Variants in ZSWIM9 observed in about 807,000 individuals in gnomAD.
The protein encoded by ZSWIM9 is uncharacterized protein ZSWIM9.
ZSWIM9 carries 11 observed loss-of-function variants against 25.0 expected under a neutral mutation model. The ratio of observed to expected loss-of-function variants is 0.44; its 90% confidence interval spans 0.28 to 0.73. The LOEUF (loss-of-function observed/expected upper bound fraction) is 0.73. Ranked by LOEUF, ZSWIM9 falls within the 30% of genes least tolerant of loss-of-function variation. ZSWIM9 has a pLI of 0.16. For missense variants in ZSWIM9, 1,070 were observed against 1,296.5 expected (o/e 0.83, Z 2.68); for synonymous variants, 562 against 582.1 (o/e 0.97, Z 0.50).
chr19:48,192,236 C>T (rs1044943500), intron 3 of ZSWIM9, among the ~76,000 whole-genome samples: 1 of 150,990 alleles, frequency 6.6e-6, no homozygotes, highest in East Asian at 1.9e-4. Flanking sequence ...AAATATCTGG[C>T]AGAAAAATGT....
Position 48,196,953 on chromosome 19 carries a change from G to C in ZSWIM9, c.*126G>C, listed in dbSNP as rs1329221661. The stretch of plus-strand genomic sequence containing the variant: ...CCCTGGCCACCTTCTGGGTCATCCA[G>C]GGACCTCCTCATGGCAGTTTGCCTC... On this transcript the variant is annotated 3_prime_UTR_variant, in exon 4 of 4. Transcript: ENST00000614654. The C allele has an allele frequency of 3.4e-5, 34 of 1,009,322 alleles. No homozygotes were observed. Among genetic ancestry groups the C allele is most frequent in the Non-Finnish European group, 4.2e-5 (32 of 764,206 alleles). The allele number at this position is 1,009,322 out of a possible 1,614,324, so 62.5% of individuals were successfully genotyped here. A position where few individuals can be genotyped will look rare whatever the true frequency, so the allele number is the denominator to read the frequency against.
At chr19:48,178,041 G>A (rs1055982466) in intron 2 of ZSWIM9, among the ~76,000 whole-genome samples, 2 of 152,172 alleles carry the variant, frequency 1.3e-5, no homozygotes, top group African/African-American at 4.8e-5. Flanking sequence ...GGGATTACAG[G>A]TGCCCGCCAC....
chr19:48,181,417 G>A (rs1246265817), intron 2 of ZSWIM9: 4 of 152,212 alleles, frequency 2.6e-5, no homozygotes, highest in African/African-American at 2.4e-5. Context: ...ATTCATCCGT[G>A]TTGTTGGAGG....
chr19:48,196,802 G>T lies in ZSWIM9; in HGVS notation c.2738G>T (p.Cys913Phe). ...ALFHMDLLRD[C>F]WGRAPEP ...TTCCACATGGACCTGCTCAGGGATT[G>T]CTGGGGGAGAGCCCCAGAGCCCTGA... Residue 913 changes from cysteine (C) to phenylalanine (F), a missense_variant, in exon 4 of 4, where the codon TGC becomes TTC. Physicochemically the swap from Cys to Phe is radical, Grantham distance 205 (BLOSUM62 -2). This residue lies in a region of ZSWIM9 where 583 missense variants were observed against 624.7 expected (regional missense o/e 0.93). Transcript: ENST00000614654. The T allele has an allele frequency of 8.1e-7, 1 of 1,236,402 alleles. No homozygotes were observed. Among genetic ancestry groups the T allele is most frequent in the Non-Finnish European group, 1.0e-6 (1 of 990,688 alleles). 76.6% of individuals were successfully genotyped at this position (1,236,402 alleles called of 1,614,324 possible). A position where few individuals can be genotyped will look rare whatever the true frequency, so the allele number is the denominator to read the frequency against.
chr19:48,188,254 G>A (rs565293481), intron 3 of ZSWIM9, among the ~76,000 whole-genome samples: 1 of 150,544 alleles, frequency 6.6e-6, no homozygotes, highest in African/African-American at 2.4e-5. Context: ...ATGGAGTCTC[G>A]CTCTGTCTCC....
intron 3 of ZSWIM9, among the ~76,000 whole-genome samples, chr19:48,192,207 C>T (rs774786053): frequency 4.0e-5 from 6 of 151,612 alleles, no homozygotes; most frequent in Non-Finnish European, 7.4e-5. Context: ...CAGCACATGG[C>T]ACATCATATT....
intron 2 of ZSWIM9, among the ~76,000 whole-genome samples, chr19:48,179,469 C>T (rs1457090975): frequency 4.6e-5 from 7 of 152,132 alleles, no homozygotes; most frequent in South Asian, 2.1e-4. Flanking sequence ...CCACTGCACC[C>T]GGCCCTATTT....
rs1318154698 is a variant in ZSWIM9, at chr19:48,196,214, T to C, written c.2150T>C (p.Leu717Pro). The C allele has an allele frequency of 8.1e-7, 1 of 1,233,232 alleles. No individual in the cohort carries two copies. Among genetic ancestry groups the C allele is most frequent in the African/African-American group, 1.6e-5 (1 of 64,172 alleles). The allele number at this position is 1,233,232 out of a possible 1,614,324, so 76.4% of individuals were successfully genotyped here. The part of the protein sequence containing the change: ...KRRRGLEDIV[L>P]VQLGDTRVTG... ...AGAAGGGGCCTGGAGGATATAGTTC[T>C]GGTCCAGCTGGGAGACACGAGGGTC... The change falls in exon 4 of 4, where the codon CTG becomes CCG. Residue 717 changes from leucine (L) to proline (P), a missense_variant. Coordinates refer to ENST00000614654, the MANE Select transcript of ZSWIM9 (RefSeq NM_199341.4).
chr19:48,182,372 T>G lies in ZSWIM9; in HGVS notation c.276-83T>G. Reference sequence around the variant, plus strand: ...CTCTATGCCTGAAACAATTCTTAGTTTAAAAAAAAAAAAAAGGTGAGTGGA... The same window carrying G: ...CTCTATGCCTGAAACAATTCTTAGTGTAAAAAAAAAAAAAAGGTGAGTGGA... On this transcript the variant is annotated intron_variant, in intron 2 of 3. Transcript: ENST00000614654. This position sits in a 1 kb window ranked among gnomAD's most constrained non-coding sequence, Gnocchi z 4.6. 9.7e-7 allele frequency: 1 copy of G among 1,028,340 alleles called. No individual in the cohort carries two copies. The highest frequency in any genetic ancestry group is 1.3e-6 in the Non-Finnish European group (1 of 754,988). 63.7% of individuals were successfully genotyped at this position (1,028,340 alleles called of 1,614,324 possible).
At position 48,194,749 on chromosome 19, in the gene ZSWIM9, C is replaced by T. The variant is rs2037136415; in HGVS notation, c.685C>T (p.Leu229=). The T allele has an allele frequency of 1.3e-6, 2 of 1,533,744 alleles. No homozygotes were observed. Among genetic ancestry groups the T allele is most frequent in the Non-Finnish European group, 8.7e-7 (1 of 1,145,784 alleles). The change falls in exon 4 of 4, where the codon CTG becomes TTG. Residue 229 remains leucine, a synonymous_variant. Coordinates refer to ENST00000614654, the MANE Select transcript of ZSWIM9 (RefSeq NM_199341.4). This position sits in a 1 kb window ranked among gnomAD's most constrained non-coding sequence, Gnocchi z 6.0. The part of the protein sequence containing the change: ...RALLRRFPRM[L]LVDRLPGLQG... The stretch of plus-strand genomic sequence containing the variant: ...GCTGCTGCGGCGCTTCCCTCGCATG[C>T]TGCTGGTGGACCGGCTGCCGGGGCT...
chr19:48,195,921 C>A lies in ZSWIM9; in HGVS notation c.1857C>A (p.Val619=). Residue 619 remains valine, a synonymous_variant, in exon 4 of 4, where the codon GTC becomes GTA. Transcript: ENST00000614654. This position sits in a 1 kb window ranked among gnomAD's most constrained non-coding sequence, Gnocchi z 5.8. ...GGACCCAGTTTGACTATGAGAGGGT[C>A]AGGAGTCTTGAAGGAAGCCCCTGGA... ...LRGTQFDYER[V]RSLEGSPWRG... 2 of 1,361,910 alleles carry A rather than the reference C, an allele frequency of 1.5e-6. No individual in the cohort carries two copies. Among genetic ancestry groups the A allele is most frequent in the Non-Finnish European group, 1.9e-6 (2 of 1,062,324 alleles). 84.4% of individuals were successfully genotyped at this position (1,361,910 alleles called of 1,614,324 possible).
In ZSWIM9 at chr19:48,176,099, G is replaced by A. The variant is rs538499018; in HGVS notation, c.275+4022G>A. ...CAGGTGCCTGTAATCCCAGCTACTC[G>A]GGAAGCTGAGGCAGGAGAATCACTT... On this transcript the variant is annotated intron_variant, in intron 2 of 3. Coordinates refer to ENST00000614654, the MANE Select transcript of ZSWIM9 (RefSeq NM_199341.4). Among the ~76,000 whole-genome samples, 167 of 152,134 alleles carry A rather than the reference G, an allele frequency of 1.1e-3. 1 individual carries two copies. Among genetic ancestry groups the A allele is most frequent in the Admixed American group, 4.8e-3 (73 of 15,262 alleles).
rs2037131427 is a variant in ZSWIM9, at chr19:48,194,316, C to T, written c.589-337C>T. 6.6e-6 allele frequency among the ~76,000 whole-genome samples: 1 copy of T among 152,068 alleles called. No homozygotes were observed. Among genetic ancestry groups the T allele is most frequent in the African/African-American group, 2.4e-5 (1 of 41,404 alleles). ...GGTCCAGGGCCCACATTTTGAGACCCACTGCCCTAGACTGCCTCTCAGCAC... is the reference window on the plus strand; with the variant it reads ...GGTCCAGGGCCCACATTTTGAGACCTACTGCCCTAGACTGCCTCTCAGCAC... On this transcript the variant is annotated intron_variant, in intron 3 of 3. Transcript: ENST00000614654. This position sits in a 1 kb window ranked among gnomAD's most constrained non-coding sequence, Gnocchi z 6.0.
chr19:48,195,060 G>T lies in ZSWIM9; in HGVS notation c.996G>T (p.Leu332=). Residue 332 remains leucine, a synonymous_variant, in exon 4 of 4, where the codon CTG becomes CTT. Coordinates refer to ENST00000614654, the MANE Select transcript of ZSWIM9 (RefSeq NM_199341.4). The surrounding 1 kb of genome is among the most constrained non-coding windows in gnomAD (Gnocchi z 5.8). ...LETLFSKAQE[L]GGAGREDPGL... ...CGCTCTTCAGCAAGGCGCAGGAGCT[G>T]GGCGGCGCCGGCCGCGAGGACCCGG... 7.3e-7 allele frequency: 1 copy of T among 1,373,240 alleles called. No individual in the cohort carries two copies. Among genetic ancestry groups the T allele is most frequent in the South Asian group, 1.5e-5 (1 of 66,382 alleles). 85.1% of individuals were successfully genotyped at this position (1,373,240 alleles called of 1,614,324 possible).
intron 3 of ZSWIM9, among the ~76,000 whole-genome samples, chr19:48,191,191 T>TTTG (rs765221765): frequency 4.0e-5 from 6 of 151,194 alleles, no homozygotes; most frequent in African/African-American, 1.2e-4. Flanking sequence ...TAGCTATTAT[T>TTTG]TTGTTGTTGT....
intron 2 of ZSWIM9, among the ~76,000 whole-genome samples, chr19:48,175,874 G>A (rs975891281): frequency 3.3e-5 from 5 of 152,164 alleles, no homozygotes; most frequent in Admixed American, 1.3e-4. Flanking sequence ...CACACCGGCC[G>A]TTGAAAACAT....
At chr19:48,175,935 G>C (rs2036888275) in intron 2 of ZSWIM9, among the ~76,000 whole-genome samples, 1 of 152,248 alleles carries the variant, frequency 6.6e-6, no homozygotes, top group Non-Finnish European at 1.5e-5. Flanking sequence ...GTCGGGTGCG[G>C]TGGCTCTCGC....
chr19:48,197,220 C>G lies in ZSWIM9; in HGVS notation c.*393C>G, dbSNP rs146323828. On this transcript the variant is annotated 3_prime_UTR_variant, in exon 4 of 4. Coordinates refer to ENST00000614654, the MANE Select transcript of ZSWIM9 (RefSeq NM_199341.4). The stretch of plus-strand genomic sequence containing the variant: ...AGACTGGCCAGTCTAGGGAGTGCAG[C>G]GGGGAGAGGGGAAAGGGAGAAAGTA... 9 of 694,264 alleles carry G rather than the reference C, an allele frequency of 1.3e-5. No homozygotes were observed. Among genetic ancestry groups the G allele is most frequent in the Non-Finnish European group, 2.1e-5 (8 of 382,638 alleles). 43.0% of individuals were successfully genotyped at this position (694,264 alleles called of 1,614,324 possible).
Position 48,194,719 on chromosome 19 carries a change from A to T in ZSWIM9, c.655A>T (p.Arg219Trp). ...GGTGTTCTTCCTGACGTCGCGCACC[A>T]GGGCGCTGCTGCGGCGCTTCCCTCG... ...ETVFFLTSRT[R>W]ALLRRFPRML... The change falls in exon 4 of 4, where the codon AGG becomes TGG. Residue 219 changes from arginine (R) to tryptophan (W), a missense_variant. By Grantham distance (101) the Arg-to-Trp change is moderately radical. Transcript: ENST00000614654. This position sits in a 1 kb window ranked among gnomAD's most constrained non-coding sequence, Gnocchi z 6.0. 6.5e-7 allele frequency: 1 copy of T among 1,531,422 alleles called. No homozygotes were observed. Among genetic ancestry groups the T allele is most frequent in the South Asian group, 1.2e-5 (1 of 83,432 alleles). 94.9% of individuals were successfully genotyped at this position (1,531,422 alleles called of 1,614,324 possible).
Sources: gnomAD v4.1 joint callset for allele counts (sites outside exome capture counted in the v4.1 genomes callset) on GRCh38, gnomAD v4.1.1 for gene constraint, gnomAD v4.1.1 regional missense constraint, Gnocchi (gnomAD v3.1) non-coding constraint, MANE v1.5 for transcripts, NCBI Gene and HGNC (gene_info 2026-07-23, HGNC 2026-07-21) for gene names.